Variants in TCF7L2 observed in about 807,000 individuals in gnomAD.
TCF7L2 encodes transcription factor 7-like 2.
Under a neutral mutation model 77.9 loss-of-function variants are expected in TCF7L2, and 23 were observed. That is an observed-to-expected ratio of 0.30 (90% CI 0.21 to 0.42). The LOEUF (loss-of-function observed/expected upper bound fraction) is 0.42. Among genes scored for constraint, TCF7L2 ranks in the 10% least tolerant of loss-of-function variants. The pLI, the probability that TCF7L2 is intolerant of heterozygous loss-of-function variation, is 1.00. For missense variants in TCF7L2, 654 were observed against 793.1 expected (o/e 0.82, Z 2.11); for synonymous variants, 413 against 340.2 (o/e 1.21, Z -2.36).
intron 5 of TCF7L2, chr10:113,129,592 C>T (rs1047358070): frequency 4.4e-5 from 48 of 1,099,358 alleles, no homozygotes; most frequent in Non-Finnish European, 5.3e-5. Context: ...GATGTGTGTA[C>T]AGGGGGAAGG....
At chr10:113,107,752 T>TCAAAAAA (rs563534875) in intron 5 of TCF7L2, among the ~76,000 whole-genome samples, 1 of 55,250 alleles carries the variant, frequency 1.8e-5, no homozygotes, top group African/African-American at 6.6e-5. Context: ...AGACTCCGTC[T>TCAAAAAA]AAAAAAAAAA....
chr10:113,166,701 G>A lies in TCF7L2; in HGVS notation c.*729G>A, dbSNP rs779142667. 4 of 229,534 alleles carry A rather than the reference G, an allele frequency of 1.7e-5. No individual in the cohort carries two copies. The highest frequency in any genetic ancestry group is 2.6e-5 in the Non-Finnish European group (3 of 116,026). The allele number at this position is 229,534 out of a possible 1,614,324, so 14.2% of individuals were successfully genotyped here. A position where few individuals can be genotyped will look rare whatever the true frequency, so the allele number is the denominator to read the frequency against. ...TTTTAAATATGTTTTCCTTTTTCTT[G>A]AAACTGTATAAAGTTTTTTTCCCCC... is the stretch of plus-strand genomic sequence containing the variant. On this transcript the variant is annotated 3_prime_UTR_variant, in exon 14 of 14. Coordinates refer to ENST00000627217, the MANE Select transcript of TCF7L2 (RefSeq NM_001146274.2).
chr10:113,015,992 A>G (rs2047272801), intron 4 of TCF7L2, among the ~76,000 whole-genome samples: 1 of 152,038 alleles, frequency 6.6e-6, no homozygotes, highest in African/African-American at 2.4e-5. Flanking sequence ...GCCTGAGGGT[A>G]ACGCAGTAAT....
chr10:113,080,331 A>G (rs1215579919), intron 5 of TCF7L2, among the ~76,000 whole-genome samples: 1 of 151,722 alleles, frequency 6.6e-6, no homozygotes, highest in Non-Finnish European at 1.5e-5. Flanking sequence ...CAGCTACCAC[A>G]TCACCAAAGG....
intron 5 of TCF7L2, among the ~76,000 whole-genome samples, chr10:113,109,343 T>C (rs1203211278): frequency 2.0e-5 from 3 of 152,212 alleles, no homozygotes; most frequent in African/African-American, 4.8e-5. Context: ...GATAGTGCTA[T>C]CAATGTCCCA....
intron 5 of TCF7L2, among the ~76,000 whole-genome samples, chr10:113,047,162 C>T (rs1407088825): frequency 6.6e-6 from 1 of 152,132 alleles, no homozygotes; most frequent in Non-Finnish European, 1.5e-5. Flanking sequence ...CCCTCGCCCC[C>T]TCCCCTTTTA....
rs2137648097 is a variant in TCF7L2 at position 113,165,626 on chromosome 10, G to A, written c.1463G>A (p.Ser488Asn). The A allele has an allele frequency of 6.2e-7, 1 of 1,613,860 alleles. No individual in the cohort carries two copies. The highest frequency in any genetic ancestry group is 8.5e-7 in the Non-Finnish European group (1 of 1,179,896). Reference sequence around the variant, plus strand: ...CTCAGCCCACCCTCTTCAGATGGAAGCTTACTAGATTCGCCTCCCCCCTCC... The same window carrying A: ...CTCAGCCCACCCTCTTCAGATGGAAACTTACTAGATTCGCCTCCCCCCTCC... Residue 488 changes from serine (S) to asparagine (N), a missense_variant, in exon 14 of 14, where the codon AGC becomes AAC. Physicochemically the swap from Ser to Asn is conservative, Grantham distance 46. This residue lies in a region of TCF7L2 where 272 missense variants were observed against 215.4 expected (regional missense o/e 1.26). Coordinates refer to ENST00000627217, the MANE Select transcript of TCF7L2 (RefSeq NM_001146274.2).
chr10:112,983,735 A>T (rs2040946283), intron 4 of TCF7L2, among the ~76,000 whole-genome samples: 1 of 152,162 alleles, frequency 6.6e-6, no homozygotes, highest in South Asian at 2.1e-4. Flanking sequence ...TTGGAAGCTA[A>T]CTGTTCCAGG....
intron 3 of TCF7L2, among the ~76,000 whole-genome samples, chr10:112,957,774 G>T (rs1458074818): frequency 4.6e-5 from 7 of 152,180 alleles, no homozygotes; most frequent in Admixed American, 2.0e-4. Flanking sequence ...GCATCTGAGG[G>T]TGAGGCATTA....
rs147913847 is a variant in TCF7L2 at position 113,165,389 on chromosome 10, C to T, written c.1392-166C>T. Among the ~76,000 whole-genome samples the T allele has an allele frequency of 1.3e-3, 202 of 152,144 alleles. 1 individual carries two copies. The highest frequency in any genetic ancestry group is 4.5e-3 in the African/African-American group (188 of 41,502). On this transcript the variant is annotated intron_variant, in intron 13 of 13. Coordinates refer to ENST00000627217, the MANE Select transcript of TCF7L2 (RefSeq NM_001146274.2). ...TTAGATCTGGGCACTGTGAAGTAAG[C>T]GACCCACCCTGGGGGGGCGCCACTG...
intron 3 of TCF7L2, among the ~76,000 whole-genome samples, chr10:112,954,191 GT>G (rs5787982): frequency 0.37 from 55,487 of 151,992 alleles, 11,577 homozygotes; most frequent in African/African-American, 0.58. Context: ...TATAGGGTGT[GT>G]TTTTAATGGC....
intron 4 of TCF7L2, among the ~76,000 whole-genome samples, chr10:113,025,018 C>T (rs2048900318): frequency 6.6e-6 from 1 of 152,046 alleles, no homozygotes; most frequent in Non-Finnish European, 1.5e-5. Flanking sequence ...CACTTGAGGT[C>T]AGGTGTAGAC....
chr10:113,165,407 C>A, intron 13 of TCF7L2, 148 bp from the exon 15 acceptor site: 1 of 838,476 alleles, frequency 1.2e-6, no homozygotes, highest in Non-Finnish European at 1.9e-6. Flanking sequence ...CCTGGGGGGG[C>A]GCCACTGTAA....
chr10:113,065,174 G>A (rs2057081166), intron 5 of TCF7L2, among the ~76,000 whole-genome samples: 1 of 152,220 alleles, frequency 6.6e-6, no homozygotes, highest in Non-Finnish European at 1.5e-5. Flanking sequence ...CTAGTACCCA[G>A]TGCAGGCAAG....
chr10:113,042,536 A>T (rs192218241), intron 5 of TCF7L2, among the ~76,000 whole-genome samples: 2 of 152,174 alleles, frequency 1.3e-5, no homozygotes, highest in African/African-American at 4.8e-5. Context: ...CTTGTCATGA[A>T]TGGTGACTTT....
intron 4 of TCF7L2, among the ~76,000 whole-genome samples, chr10:113,004,165 G>A (rs1044564291): frequency 1.3e-5 from 2 of 152,184 alleles, no homozygotes; most frequent in Non-Finnish European, 2.9e-5. Flanking sequence ...AAAGAAGAGT[G>A]CCTGTAAGTA....
At chr10:113,107,876 C>T (rs1258512091) in intron 5 of TCF7L2, among the ~76,000 whole-genome samples, 4 of 151,192 alleles carry the variant, frequency 2.6e-5, no homozygotes, top group African/African-American at 9.7e-5. Flanking sequence ...ATTGGTCAAG[C>T]GTTGCTGGCA....
chr10:113,099,341 A>G (rs754523166), intron 5 of TCF7L2, among the ~76,000 whole-genome samples: 5 of 152,132 alleles, frequency 3.3e-5, no homozygotes, highest in Non-Finnish European at 7.4e-5. Flanking sequence ...TAAAATGAAG[A>G]TGGTATGTCT....
intron 5 of TCF7L2, among the ~76,000 whole-genome samples, chr10:113,067,257 C>T (rs2057379755): frequency 6.6e-6 from 1 of 152,150 alleles, no homozygotes; most frequent in Admixed American, 6.5e-5. Flanking sequence ...CCAGAAGGAC[C>T]GGAGTTCTGG....
Sources: gnomAD v4.1 joint callset for allele counts (sites outside exome capture counted in the v4.1 genomes callset) on GRCh38, gnomAD v4.1.1 for gene constraint, gnomAD v4.1.1 regional missense constraint, MANE v1.5 for transcripts, NCBI Gene and HGNC (gene_info 2026-07-23, HGNC 2026-07-21) for gene names.